DGKG: variants seen among roughly 807,000 people sequenced by gnomAD.
DGKG encodes DAG kinase gamma.
A neutral mutation model predicts 105.3 loss-of-function variants in DGKG; 78 were observed. The ratio of observed to expected loss-of-function variants is 0.74; its 90% CI spans 0.62 to 0.89. The LOEUF is 0.89. DGKG is among the 40% of genes least tolerant of loss of function. DGKG has a pLI of 0.00. For synonymous variants in DGKG, 346 were observed against 367.1 expected (o/e 0.94, Z 0.66); for missense variants, 958 against 1,020.1 (o/e 0.94, Z 0.83).
chr3:186,209,160 G>C (rs1718905206), intron 21 of DGKG, among the ~76,000 whole-genome samples: 1 of 143,738 alleles, frequency 7.0e-6, no homozygotes, highest in Non-Finnish European at 1.5e-5. Flanking sequence ...GAGTGCAGTG[G>C]CACCATCTCA....
At chr3:186,208,525 T>C (rs924841440) in intron 21 of DGKG, among the ~76,000 whole-genome samples, 3 of 152,190 alleles carry the variant, frequency 2.0e-5, no homozygotes, top group Non-Finnish European at 4.4e-5. Flanking sequence ...TCACTGAACC[T>C]GTCAACCTAA....
rs151026370 is a variant in DGKG, at chr3:186,350,554, T to G, written c.-249+11392A>C. 1.8e-3 allele frequency among the ~76,000 whole-genome samples: 269 copies of G among 152,362 alleles called. 1 individual carries two copies. Among genetic ancestry groups the G allele is most frequent in the South Asian group, 5.4e-3 (26 of 4,828 alleles). ...TGAAGAATGCTGTTATAAACATGGA[T>G]GTACAAGTACCTCTTCATGTTCCTG... On this transcript the variant is annotated intron_variant, in intron 1 of 24. Transcript: ENST00000265022.
At chr3:186,179,172 A>G (rs1445257249) in intron 22 of DGKG, among the ~76,000 whole-genome samples, 1 of 152,154 alleles carries the variant, frequency 6.6e-6, no homozygotes, top group Non-Finnish European at 1.5e-5. Context: ...GGATTGACTA[A>G]CCATGGTTTG....
rs1229906677 is a variant in DGKG, at chr3:186,361,032, G to T, written c.-249+914C>A. On this transcript the variant is annotated intron_variant, in intron 1 of 24. Coordinates refer to ENST00000265022, the MANE Select transcript of DGKG (RefSeq NM_001346.3). This position sits in a 1 kb window ranked among gnomAD's most constrained non-coding sequence, Gnocchi z 6.8. ...GCGCAGCCACAGATCGCTTCGCGCT[G>T]CAGCAGACGCTCCCGCCGCGGGGGG... Among the ~76,000 whole-genome samples, 1 of 152,232 alleles carries T rather than the reference G, an allele frequency of 6.6e-6. No individual in the cohort carries two copies. The highest frequency in any genetic ancestry group is 1.5e-5 in the Non-Finnish European group (1 of 68,034).
rs543785841 is a variant in DGKG at position 186,234,115 on chromosome 3, C to T, written c.1826+8389G>A. Among the ~76,000 whole-genome samples, 29 of 152,316 alleles carry T rather than the reference C, an allele frequency of 1.9e-4. No homozygotes were observed. The South Asian group carries it at 6.0e-3, about 32-fold the overall frequency. ...ATTAATGTCCTATTTGGGGCTTAAC[C>T]CAGTCTTGCATTCCAGTCACCTTTT... On this transcript the variant is annotated intron_variant, in intron 20 of 24. Transcript: ENST00000265022.
At chr3:186,288,578 A>G in intron 6 of DGKG, 132 bp downstream of exon 6, 1 of 938,494 alleles carries the variant, frequency 1.1e-6, no homozygotes. Flanking sequence ...CAGGACAAAG[A>G]AACCTCCCCA....
intron 22 of DGKG, among the ~76,000 whole-genome samples, chr3:186,179,963 TG>T (rs914532589): frequency 9.2e-5 from 14 of 152,208 alleles, no homozygotes; most frequent in Admixed American, 2.6e-4. Flanking sequence ...TGCCCCTGAC[TG>T]GGTGCATTTG....
intron 1 of DGKG, among the ~76,000 whole-genome samples, chr3:186,328,917 C>T (rs537475956): frequency 6.6e-6 from 1 of 152,068 alleles, no homozygotes; most frequent in South Asian, 2.1e-4. Flanking sequence ...AAGTTAGGGG[C>T]CTAAAACATT....
chr3:186,298,128 C>T lies in DGKG; in HGVS notation c.246G>A (p.Lys82=). 6.2e-7 allele frequency: 1 copy of T among 1,614,164 alleles called. No individual in the cohort carries two copies. Among genetic ancestry groups the T allele is most frequent in the Non-Finnish European group, 8.5e-7 (1 of 1,180,030 alleles). ...STHLFLAFSQ[K]PRHETSDHPT... ...GGTGGTCAGAGGTCTCGTGTCTGGG[C>T]TTCTGGCTGAAGGCCAGGAAGAGGT... The change falls in exon 4 of 25, where the codon AAG becomes AAA. Residue 82 remains lysine (K), a synonymous_variant. Coordinates refer to ENST00000265022, the MANE Select transcript of DGKG (RefSeq NM_001346.3).
chr3:186,243,926 T>C (rs911054363), intron 19 of DGKG, among the ~76,000 whole-genome samples: 19 of 149,724 alleles, frequency 1.3e-4, no homozygotes, highest in African/African-American at 4.5e-4. Context: ...GATGGAGTTT[T>C]GCTCTTGTCG....
At chr3:186,181,346 C>T (rs964373131) in intron 22 of DGKG, among the ~76,000 whole-genome samples, 6 of 152,118 alleles carry the variant, frequency 3.9e-5, no homozygotes, top group Admixed American at 2.6e-4. Flanking sequence ...TGAACACTAC[C>T]GAGGGTATCT....
chr3:186,161,442 G>A, intron 24 of DGKG, 161 bp downstream of exon 24: 1 of 1,446,618 alleles, frequency 6.9e-7, no homozygotes, highest in East Asian at 2.5e-5. Flanking sequence ...GAGTTGCCAG[G>A]TAAATGAGTG....
chr3:186,164,209 T>C (rs1173828286), intron 23 of DGKG, among the ~76,000 whole-genome samples: 2 of 152,218 alleles, frequency 1.3e-5, no homozygotes, highest in Admixed American at 6.5e-5. Flanking sequence ...ATTTGGTCCA[T>C]AGTAATTCAG....
rs1478717300 is a variant in DGKG, at chr3:186,172,198, G to A, written c.2096-7180C>T. On this transcript the variant is annotated intron_variant, in intron 22 of 24. Coordinates refer to ENST00000265022, the MANE Select transcript of DGKG (RefSeq NM_001346.3). ...AATTCAATCAATCATTTAAGAGGCA[G>A]GGGAATCTCTGGGTGTCCTGATTTG... is the stretch of plus-strand genomic sequence containing the variant. Among the ~76,000 whole-genome samples the A allele has an allele frequency of 2.0e-5, 3 of 152,182 alleles. No homozygotes were observed. The East Asian group carries it at 5.8e-4, about 29-fold the overall frequency.
At chr3:186,251,634 C>T (rs1257559263) in intron 19 of DGKG, 125 bp downstream of exon 19, 1 of 1,097,700 alleles carries the variant, frequency 9.1e-7, no homozygotes, top group Non-Finnish European at 1.3e-6. Flanking sequence ...TGCTTGGACC[C>T]AACTCAGGGC....
At chr3:186,239,063 T>A (rs926548001) in intron 20 of DGKG, among the ~76,000 whole-genome samples, 1 of 152,218 alleles carries the variant, frequency 6.6e-6, no homozygotes, top group Non-Finnish European at 1.5e-5. Context: ...AATTTCAAGG[T>A]GTTCTCAAAA....
At chr3:186,301,409 T>C (rs942344301) in intron 3 of DGKG, among the ~76,000 whole-genome samples, 6 of 152,286 alleles carry the variant, frequency 3.9e-5, no homozygotes, top group Non-Finnish European at 5.9e-5. Flanking sequence ...AGGCAGATCA[T>C]GAGGTCAGGA....
chr3:186,253,068 T>C, intron 18 of DGKG, 25 bp downstream of exon 18: 1 of 1,606,406 alleles, frequency 6.2e-7, no homozygotes, highest in Non-Finnish European at 8.5e-7. Context: ...GTTCCCAGGG[T>C]ACCACCATTA....
intron 1 of DGKG, among the ~76,000 whole-genome samples, chr3:186,348,449 A>ATTTTTT (rs1350593815): frequency 8.9e-6 from 1 of 112,404 alleles, no homozygotes; most frequent in African/African-American, 4.3e-5. Context: ...CTGGCTCATA[A>ATTTTTT]TCTTTTTTTT....
Sources: gnomAD v4.1 joint callset for allele counts (sites outside exome capture counted in the v4.1 genomes callset) on GRCh38, gnomAD v4.1.1 for gene constraint, Gnocchi (gnomAD v3.1) non-coding constraint, MANE v1.5 for transcripts, NCBI Gene and HGNC (gene_info 2026-07-23, HGNC 2026-07-21) for gene names.